Variants in DSE observed in about 807,000 individuals in gnomAD.
DSE encodes dermatan sulfate epimerase.
A neutral mutation model predicts 84.4 loss-of-function variants in DSE; 36 were observed. The ratio of observed to expected loss-of-function variants is 0.43; its 90% CI spans 0.33 to 0.56. The LOEUF is 0.56. DSE is among the 20% of genes least tolerant of loss of function. The pLI, the probability that DSE is intolerant of heterozygous loss-of-function variation, is 0.06. For missense variants in DSE, 862 were observed against 1,169.6 expected, an observed-to-expected ratio of 0.74 and a Z score of 3.84; for synonymous variants, 410 against 430.1, an observed-to-expected ratio of 0.95 and a Z score of 0.58.
In DSE at chr6:116,395,382, G is replaced by T. The variant is rs530132551; in HGVS notation, c.-53-3816G>T. Among the ~76,000 whole-genome samples, 98 of 151,448 alleles carry T rather than the reference G, an allele frequency of 6.5e-4. 2 individuals carry two copies. In the South Asian group the frequency reaches 0.013, roughly 20 times the overall value. ...AGAGCTTGCAGTGAGCCGAGATCGG[G>T]CCACTGCACTCCAGCCTGGGCGACA... On this transcript the variant is annotated intron_variant, in intron 1 of 5. Coordinates refer to ENST00000644252, the MANE Select transcript of DSE (RefSeq NM_013352.4).
chr6:116,370,400 C>CCCAA, upstream of DSE: 1 of 971,526 alleles, frequency 1.0e-6, no homozygotes, highest in Non-Finnish European at 1.2e-6. Flanking sequence ...TCCCCCCTCC[C>CCCAA]ACTAACTTCT....
intron 2 of DSE, among the ~76,000 whole-genome samples, chr6:116,321,994 G>A (rs9481625): frequency 0.07 from 10,591 of 152,114 alleles, 777 homozygotes; most frequent in African/African-American, 0.18. Context: ...GGGTTTGTTC[G>A]GCCGGGGGCA....
intron 2 of DSE, among the ~76,000 whole-genome samples, chr6:116,348,358 C>T (rs1414025710): frequency 6.6e-6 from 1 of 151,434 alleles, no homozygotes; most frequent in African/African-American, 2.4e-5. Flanking sequence ...ACCTGGGAGA[C>T]GGAGCTTGAA....
At chr6:116,259,495 A>T (rs1177057677) in intron 2 of DSE, among the ~76,000 whole-genome samples, 3 of 152,218 alleles carry the variant, frequency 2.0e-5, no homozygotes, top group Non-Finnish European at 4.4e-5. Flanking sequence ...TGATTATAAG[A>T]CACATCTTTT....
At chr6:116,327,425 A>G (rs1776684790) in intron 2 of DSE, among the ~76,000 whole-genome samples, 1 of 152,226 alleles carries the variant, frequency 6.6e-6, no homozygotes. Flanking sequence ...GAGCTCCTAC[A>G]TGTGACCTGG....
At chr6:116,355,843 A>G (rs1778538103) in intron 2 of DSE, 1 of 152,226 alleles carries the variant, frequency 6.6e-6, no homozygotes, top group Non-Finnish European at 1.5e-5. Flanking sequence ...TTTGTTTTAC[A>G]TTTGCTCATT....
chr6:116,365,475 G>GATCTCCTGACCTCGTGATCTGCCC (rs1157662111), upstream of DSE, among the ~76,000 whole-genome samples: 1 of 151,504 alleles, frequency 6.6e-6, no homozygotes, highest in Non-Finnish European at 1.5e-5. Flanking sequence ...GGATGGTCTC[G>GATCTCCTGACCTCGTGATCTGCCC]ATCTCCTGAC....
intron 2 of DSE, among the ~76,000 whole-genome samples, chr6:116,331,851 G>A (rs1374183983): frequency 6.6e-6 from 1 of 152,186 alleles, no homozygotes; most frequent in Non-Finnish European, 1.5e-5. Flanking sequence ...CACCTACTTG[G>A]GAGGCTGAGG....
intron 2 of DSE, among the ~76,000 whole-genome samples, chr6:116,325,656 G>A (rs1342210930): frequency 6.6e-6 from 1 of 152,120 alleles, no homozygotes; most frequent in Non-Finnish European, 1.5e-5. Context: ...TGCCCTCCAT[G>A]TAAGGACCAC....
rs1433730561 is a variant in DSE, at chr6:116,311,663, G to T, written c.-54+52696G>T. On this transcript the variant is annotated intron_variant, in intron 2 of 3. Coordinates refer to the DSE transcript ENST00000430252. The stretch of plus-strand genomic sequence containing the variant: ...GAAAAGGCCTGTTGCAGAACATTGT[G>T]CTCCAACCTCTGCTTTCCTGCTCTG... 2.0e-5 allele frequency among the ~76,000 whole-genome samples: 3 copies of T among 152,224 alleles called. No homozygotes were observed. The South Asian group carries it at 6.2e-4, about 32-fold the overall frequency.
chr6:116,366,029 C>T (rs1779148184), upstream of DSE: 1 of 152,222 alleles, frequency 6.6e-6, no homozygotes, highest in Non-Finnish European at 1.5e-5. Flanking sequence ...CCCCTAGAAC[C>T]ATTCTAAGTT....
chr6:116,295,192 C>T (rs946564227), intron 2 of DSE, among the ~76,000 whole-genome samples: 9 of 151,970 alleles, frequency 5.9e-5, no homozygotes, highest in African/African-American at 2.2e-4. Context: ...GACTTGAAGG[C>T]AGAAGAAAGG....
intron 1 of DSE, among the ~76,000 whole-genome samples, chr6:116,397,215 T>C (rs1247130008): frequency 3.4e-5 from 5 of 147,928 alleles, no homozygotes; most frequent in Non-Finnish European, 7.5e-5. Context: ...TTCTTTTTTT[T>C]TTTTTTTTTT....
At chr6:116,425,184 A>G (rs1490873365) in intron 2 of DSE, among the ~76,000 whole-genome samples, 3 of 152,244 alleles carry the variant, frequency 2.0e-5, no homozygotes, top group Admixed American at 2.0e-4. Flanking sequence ...CTGTATTATT[A>G]TTTTTTAAAT....
At position 116,371,077 on chromosome 6, in the gene DSE, G is replaced by T; in HGVS notation, c.-98G>T. 1.0e-6 allele frequency: 1 copy of T among 986,054 alleles called. No homozygotes were observed. Among genetic ancestry groups the T allele is most frequent in the Non-Finnish European group, 1.2e-6 (1 of 830,460 alleles). The allele number at this position is 986,054 out of a possible 1,614,324, so 61.1% of individuals were successfully genotyped here. A position where few individuals can be genotyped will look rare whatever the true frequency, so the allele number is the denominator to read the frequency against. On this transcript the variant is annotated 5_prime_UTR_variant, in exon 1 of 6. Transcript: ENST00000644252. The stretch of plus-strand genomic sequence containing the variant: ...GGAGGACCGGGAGCTGGCTCTGGAG[G>T]CTGCGGAGGCGACGCCGGAGAGAAC...
At chr6:116,312,700 A>G (rs1005501462) in intron 2 of DSE, among the ~76,000 whole-genome samples, 2 of 152,132 alleles carry the variant, frequency 1.3e-5, no homozygotes, top group African/African-American at 4.8e-5. Context: ...AGATATTATT[A>G]TTTTCTCTAT....
intron 2 of DSE, among the ~76,000 whole-genome samples, chr6:116,327,429 G>A (rs60749937): frequency 0.14 from 22,060 of 152,200 alleles, 1,710 homozygotes; most frequent in South Asian, 0.16. Flanking sequence ...TCCTACATGT[G>A]ACCTGGATAA....
chr6:116,274,862 G>GT (rs1169535322), intron 2 of DSE, among the ~76,000 whole-genome samples: 1 of 152,130 alleles, frequency 6.6e-6, no homozygotes, highest in East Asian at 1.9e-4. Context: ...GGAGGAGAAA[G>GT]TATTAACATG....
Position 116,439,399 on chromosome 6 carries a change from A to G in DSE, c.*2054A>G, listed in dbSNP as rs565142767. The G allele has an allele frequency of 5.0e-4, 75 of 151,110 alleles. No individual in the cohort carries two copies. Among genetic ancestry groups the G allele is most frequent in the African/African-American group, 1.8e-3 (73 of 41,266 alleles). 9.4% of individuals were successfully genotyped at this position (151,110 alleles called of 1,614,324 possible). A position where few individuals can be genotyped will look rare whatever the true frequency, so the allele number is the denominator to read the frequency against. On this transcript the variant is annotated 3_prime_UTR_variant, in exon 6 of 6. Transcript: ENST00000644252. ...TTAAAGTAGTCTTTTTAAAATACGC[A>G]TCTTTAAAACAAAATGAATTAAAAT...
Sources: gnomAD v4.1 joint callset for allele counts (sites outside exome capture counted in the v4.1 genomes callset) on GRCh38, gnomAD v4.1.1 for gene constraint, MANE v1.5 for transcripts, NCBI Gene and HGNC (gene_info 2026-07-23, HGNC 2026-07-21) for gene names.